Variants in CCDC91 observed in about 807,000 individuals in gnomAD.
CCDC91 encodes the protein coiled-coil domain containing 91.
Under a neutral mutation model 63.2 loss-of-function variants are expected in CCDC91, and 48 were observed. That is an observed-to-expected ratio of 0.76 (90% confidence interval 0.60 to 0.97). The LOEUF is 0.97. Ranked by LOEUF, CCDC91 falls within the 50% of genes least tolerant of loss-of-function variation. CCDC91 has a pLI of 0.00. For missense variants in CCDC91, 500 were observed against 494.6 expected, an observed-to-expected ratio of 1.01 and a Z score of -0.10; for synonymous variants, 167 against 165.8, an observed-to-expected ratio of 1.01 and a Z score of -0.06.
At chr12:28,486,962 A>C (rs1453064731) in intron 12 of CCDC91, among the ~76,000 whole-genome samples, 3 of 152,022 alleles carry the variant, frequency 2.0e-5, no homozygotes, top group Non-Finnish European at 4.4e-5. Flanking sequence ...GTAAGGACTC[A>C]ATAAATATGT....
intron 7 of CCDC91, among the ~76,000 whole-genome samples, chr12:28,378,553 T>G (rs1274606421): frequency 6.6e-6 from 1 of 152,086 alleles, no homozygotes; most frequent in Non-Finnish European, 1.5e-5. Context: ...TTGCTAAGTT[T>G]TTGCTCAAAG....
At chr12:28,272,555 A>G (rs1947856539) in intron 3 of CCDC91, among the ~76,000 whole-genome samples, 1 of 151,732 alleles carries the variant, frequency 6.6e-6, no homozygotes, top group Non-Finnish European at 1.5e-5. Flanking sequence ...GTCTAAGGTG[A>G]TGTAAATCTG....
chr12:28,423,648 T>G (rs1421926739), intron 8 of CCDC91, among the ~76,000 whole-genome samples: 2 of 152,150 alleles, frequency 1.3e-5, no homozygotes, highest in African/African-American at 4.8e-5. Context: ...TCAAAAGGAA[T>G]AAATACTATG....
At chr12:28,262,741 T>C (rs1034122957) in intron 3 of CCDC91, among the ~76,000 whole-genome samples, 5 of 152,032 alleles carry the variant, frequency 3.3e-5, no homozygotes, top group African/African-American at 1.2e-4. Context: ...AGTTATGATA[T>C]CTAACCTGTA....
intron 3 of CCDC91, among the ~76,000 whole-genome samples, chr12:28,277,964 G>A (rs1006862031): frequency 6.6e-6 from 1 of 151,740 alleles, no homozygotes; most frequent in African/African-American, 2.4e-5. Context: ...TGTACCTCCC[G>A]GCACATATTT....
chr12:28,272,008 C>A (rs1483531148), intron 3 of CCDC91, among the ~76,000 whole-genome samples: 1 of 151,504 alleles, frequency 6.6e-6, no homozygotes, highest in Non-Finnish European at 1.5e-5. Context: ...ATTCCTCTAG[C>A]TTTTAAATTG....
Position 28,348,326 on chromosome 12 carries a change from C to A in CCDC91, c.577-14112C>A, listed in dbSNP as rs182565336. Among the ~76,000 whole-genome samples the A allele has an allele frequency of 8.5e-5, 13 of 152,264 alleles. No individual in the cohort carries two copies. In the East Asian group the frequency reaches 2.5e-3, roughly 29 times the overall value. On this transcript the variant is annotated intron_variant, in intron 6 of 12. Coordinates refer to ENST00000536442, the MANE Select transcript of CCDC91 (RefSeq NM_018318.5). ...TGACAAATAGAACAGTTCCTACTGG[C>A]ATTATGTATCTGAGAGTGTGCAAAA...
chr12:28,240,664 C>T (rs971173901), intron 1 of CCDC91, among the ~76,000 whole-genome samples: 1 of 151,196 alleles, frequency 6.6e-6, no homozygotes, highest in African/African-American at 2.4e-5. Context: ...CAGTGTAATA[C>T]CTTTGAAATC....
intron 7 of CCDC91, among the ~76,000 whole-genome samples, chr12:28,384,748 A>G (rs552286370): frequency 2.6e-5 from 4 of 152,128 alleles, no homozygotes; most frequent in East Asian, 3.9e-4. Flanking sequence ...GTGTCTTTTC[A>G]TGTGATTTTG....
At chr12:28,228,875 C>T (rs893112772) in intron 1 of CCDC91, among the ~76,000 whole-genome samples, 1 of 152,096 alleles carries the variant, frequency 6.6e-6, no homozygotes, top group Non-Finnish European at 1.5e-5. Flanking sequence ...AGGATACATC[C>T]TCAGTGTGGG....
At chr12:28,495,555 G>A (rs1202430500) in intron 12 of CCDC91, among the ~76,000 whole-genome samples, 1 of 151,598 alleles carries the variant, frequency 6.6e-6, no homozygotes, top group Admixed American at 6.6e-5. Flanking sequence ...TGGAAGCCAC[G>A]TAGCCCACCA....
intron 1 of CCDC91, among the ~76,000 whole-genome samples, chr12:28,190,968 C>T (rs147376617): frequency 2.6e-5 from 4 of 152,350 alleles, no homozygotes; most frequent in Admixed American, 6.5e-5. Flanking sequence ...GAAGCGCCTA[C>T]CGAACGGAGA....
At chr12:28,464,721 G>T (rs1369727165) in intron 11 of CCDC91, among the ~76,000 whole-genome samples, 1 of 152,174 alleles carries the variant, frequency 6.6e-6, no homozygotes, top group Admixed American at 6.5e-5. Flanking sequence ...GGCCTTGGGT[G>T]AGCCTCTGAG....
intron 3 of CCDC91, among the ~76,000 whole-genome samples, chr12:28,276,864 A>G (rs985991183): frequency 4.6e-5 from 7 of 151,988 alleles, no homozygotes; most frequent in Admixed American, 1.3e-4. Flanking sequence ...TGAAAATTAT[A>G]TGTATATTTT....
intron 8 of CCDC91, among the ~76,000 whole-genome samples, 164 bp downstream of exon 8, chr12:28,391,575 A>G (rs1945949133): frequency 6.6e-6 from 1 of 152,204 alleles, no homozygotes; most frequent in South Asian, 2.1e-4. Flanking sequence ...GACAGACTCA[A>G]AATAGAACGT....
chr12:28,218,851 A>G (rs1422494375), intron 1 of CCDC91, among the ~76,000 whole-genome samples: 1 of 152,084 alleles, frequency 6.6e-6, no homozygotes, highest in Admixed American at 6.6e-5. Flanking sequence ...CATTGTATGG[A>G]TGTACCATTA....
chr12:28,272,913 T>A (rs1947883595), intron 3 of CCDC91, among the ~76,000 whole-genome samples: 1 of 152,066 alleles, frequency 6.6e-6, no homozygotes, highest in Admixed American at 6.6e-5. Context: ...TATGTATACA[T>A]GTGCCATGTT....
At chr12:28,237,073 A>G (rs938846005) in intron 1 of CCDC91, among the ~76,000 whole-genome samples, 2 of 152,210 alleles carry the variant, frequency 1.3e-5, no homozygotes, top group African/African-American at 4.8e-5. Context: ...GAAAATGGAA[A>G]ATAGATCACT....
intron 12 of CCDC91, among the ~76,000 whole-genome samples, chr12:28,538,337 A>G (rs1294566636): frequency 7.2e-6 from 1 of 139,068 alleles, no homozygotes; most frequent in Non-Finnish European, 1.5e-5. Flanking sequence ...ATTCCCACCT[A>G]TAAGTGAGAA....
Sources: allele counts gnomAD v4.1 joint callset (sites outside exome capture counted in the v4.1 genomes callset), GRCh38; gene constraint gnomAD v4.1.1; transcripts MANE v1.5; gene names NCBI Gene and HGNC (gene_info 2026-07-23, HGNC 2026-07-21).